LDB3: variants seen among roughly 807,000 people sequenced by gnomAD.
LDB3 encodes the protein LIM domain binding 3, also known as LIM domain-binding protein 3.
LDB3 carries 49 observed loss-of-function variants against 69.0 expected under a neutral mutation model. The ratio of observed to expected loss-of-function variants is 0.71; its 90% CI spans 0.56 to 0.90. The LOEUF (loss-of-function observed/expected upper bound fraction) is 0.90, where lower values mean the gene tolerates loss of function less well. Among genes scored for constraint, LDB3 ranks in the 40% least tolerant of loss-of-function variants. The pLI is 0.00. For synonymous variants in LDB3, 387 were observed against 396.2 expected (o/e 0.98, Z 0.28); for missense variants, 928 against 974.1 (o/e 0.95, Z 0.63).
At chr10:86,682,226 G>T (rs767760819) in intron 5 of LDB3, among the ~76,000 whole-genome samples, 1 of 152,188 alleles carries the variant, frequency 6.6e-6, no homozygotes, top group Non-Finnish European at 1.5e-5. Flanking sequence ...GGCAGGAGCA[G>T]GGGAGCGTTC....
chr10:86,727,956 T>C (rs1016664890), intron 13 of LDB3, among the ~76,000 whole-genome samples: 4 of 151,950 alleles, frequency 2.6e-5, no homozygotes, highest in Non-Finnish European at 2.9e-5. Flanking sequence ...TGGAATACAA[T>C]TCAACCCCTT....
At chr10:86,723,501 C>G (rs1010844501) in intron 12 of LDB3, among the ~76,000 whole-genome samples, 3 of 152,032 alleles carry the variant, frequency 2.0e-5, no homozygotes, top group Admixed American at 2.0e-4. Flanking sequence ...GCCTGGTTTG[C>G]ACAGAGGCAT....
intron 8 of LDB3, among the ~76,000 whole-genome samples, chr10:86,709,031 T>C (rs185577095): frequency 1.2e-4 from 18 of 152,338 alleles, no homozygotes; most frequent in African/African-American, 4.3e-4. Flanking sequence ...GGTGTGGGCA[T>C]GTGGTCCCCT....
chr10:86,668,782 C>G lies in LDB3; in HGVS notation c.91C>G (p.Arg31Gly), dbSNP rs367792378. 4.3e-6 allele frequency: 7 copies of G among 1,611,726 alleles called. No homozygotes were observed. The highest frequency in any genetic ancestry group is 5.9e-6 in the Non-Finnish European group (7 of 1,178,716). Residue 31 changes from arginine to glycine, a missense_variant and splice_region_variant, in exon 2 of 14, where the codon CGG (arginine) becomes GGG (glycine). Physicochemically the swap from Arg to Gly is moderately radical, Grantham distance 125 (BLOSUM62 -2). Coordinates refer to ENST00000361373, the MANE Select transcript of LDB3 (RefSeq NM_007078.3). ...CTTCAACATGCCCCTCACTATCTCCCGGGTGAGTGCACCCTGCCACAGCCT... is the reference window on the plus strand; with the variant it reads ...CTTCAACATGCCCCTCACTATCTCCGGGGTGAGTGCACCCTGCCACAGCCT... ...KDFNMPLTIS[R>G]ITPGSKAAQS...
chr10:86,679,101 T>C (rs1358972356), intron 2 of LDB3, among the ~76,000 whole-genome samples: 1 of 152,168 alleles, frequency 6.6e-6, no homozygotes, highest in Non-Finnish European at 1.5e-5. Flanking sequence ...GAGGCAGACC[T>C]GGAAGGAGCA....
intron 5 of LDB3, among the ~76,000 whole-genome samples, 182 bp from the exon 6 acceptor site, chr10:86,691,714 C>T (rs1321446928): frequency 1.3e-5 from 2 of 152,060 alleles, no homozygotes; most frequent in Non-Finnish European, 2.9e-5. Flanking sequence ...TGCTTCACTG[C>T]GACCAATCTG....
At chr10:86,692,817 C>A (rs977034463) in intron 7 of LDB3, among the ~76,000 whole-genome samples, 2 of 152,218 alleles carry the variant, frequency 1.3e-5, no homozygotes, top group Non-Finnish European at 2.9e-5. Context: ...GCTCTCCCAG[C>A]TTCATCCCTG....
intron 5 of LDB3, among the ~76,000 whole-genome samples, chr10:86,686,718 G>A (rs1002738580): frequency 1.3e-5 from 2 of 150,730 alleles, no homozygotes; most frequent in East Asian, 2.0e-4. Context: ...GAGGTGAGAG[G>A]ATCACTTGAG....
At chr10:86,666,958 C>A, upstream of LDB3, 4 of 430,740 alleles carry the variant, frequency 9.3e-6, no homozygotes, top group South Asian at 6.6e-5. Context: ...GACAAACACC[C>A]CTAGGAAAGG....
rs752050928 is a variant in LDB3 at position 86,699,395 on chromosome 10, C to A, written c.896+6824C>A. On this transcript the variant is annotated intron_variant, in intron 7 of 13. Coordinates refer to ENST00000361373, the MANE Select transcript of LDB3 (RefSeq NM_007078.3). This position sits in a 1 kb window ranked among gnomAD's most constrained non-coding sequence, Gnocchi z 4.9. The stretch of plus-strand genomic sequence containing the variant: ...GCTAAAAGGCTGCCTGGAATCCCCC[C>A]ACCCCAACAGGCTGGACTCCCTCCA... 3.1e-6 allele frequency: 5 copies of A among 1,613,314 alleles called. No homozygotes were observed. The highest frequency in any genetic ancestry group is 1.1e-5 in the South Asian group (1 of 91,076).
At chr10:86,711,184 G>C (rs1846641589) in intron 9 of LDB3, among the ~76,000 whole-genome samples, 1 of 152,202 alleles carries the variant, frequency 6.6e-6, no homozygotes, top group African/African-American at 2.4e-5. Flanking sequence ...GGGGCACAAG[G>C]AGGACATTTC....
Position 86,681,432 on chromosome 10 carries a change from C to A in LDB3, c.322-4C>A. 2 of 1,601,090 alleles carry A rather than the reference C, an allele frequency of 1.2e-6. No individual in the cohort carries two copies. The highest frequency in any genetic ancestry group is 1.7e-6 in the Non-Finnish European group (2 of 1,179,800). On this transcript the variant is annotated splice_polypyrimidine_tract_variant and splice_region_variant and intron_variant, in intron 4 of 13. Transcript: ENST00000361373. The stretch of plus-strand genomic sequence containing the variant: ...TCTCCCCTGCATGGCCTGCCCTGTG[C>A]CAGGACCCCGCTCTGGACACGAACG...
intron 7 of LDB3, among the ~76,000 whole-genome samples, chr10:86,692,990 T>G (rs948178516): frequency 2.6e-5 from 4 of 152,192 alleles, no homozygotes; most frequent in Non-Finnish European, 5.9e-5. Context: ...CACAGGGGGC[T>G]GTGCTGGACG....
At chr10:86,670,555 A>T (rs911892580) in intron 2 of LDB3, among the ~76,000 whole-genome samples, 13 of 152,166 alleles carry the variant, frequency 8.5e-5, no homozygotes, top group African/African-American at 1.2e-4. Flanking sequence ...AGGATAGCCA[A>T]TGACCTCACC....
At chr10:86,685,755 T>C in intron 5 of LDB3, 1 of 1,595,536 alleles carries the variant, frequency 6.3e-7, no homozygotes, top group East Asian at 2.2e-5. Context: ...CCAGCATGTG[T>C]CTGCGTGTGT....
At chr10:86,732,800 G>A in intron 13 of LDB3, 87 bp from the exon 14 acceptor site, 1 of 1,059,554 alleles carries the variant, frequency 9.4e-7, no homozygotes, top group Non-Finnish European at 1.4e-6. Flanking sequence ...CACCACGCCT[G>A]GCCAGGGCGT....
At chr10:86,708,166 G>A (rs527750405) in intron 8 of LDB3, among the ~76,000 whole-genome samples, 16 of 152,372 alleles carry the variant, frequency 1.1e-4, no homozygotes, top group Admixed American at 9.8e-4. Context: ...CCCCCCACAG[G>A]GGGAGTCCTC....
rs552352956 is a variant in LDB3 at position 86,681,225 on chromosome 10, G to A, written c.322-211G>A. Among the ~76,000 whole-genome samples the A allele has an allele frequency of 3.9e-5, 6 of 152,400 alleles. No homozygotes were observed. In the South Asian group the frequency reaches 1.2e-3, roughly 32 times the overall value. On this transcript the variant is annotated intron_variant, in intron 4 of 13. Coordinates refer to ENST00000361373, the MANE Select transcript of LDB3 (RefSeq NM_007078.3). ...GCAGGGCTTGGCACTCTGCCCAGCT[G>A]GATGCCAGCCTCACGCCAGGCCAGG... is the stretch of plus-strand genomic sequence containing the variant.
At chr10:86,718,235 G>T in intron 11 of LDB3, 91 bp downstream of exon 11, 2 of 1,254,142 alleles carry the variant, frequency 1.6e-6, no homozygotes, top group Non-Finnish European at 2.3e-6. Context: ...CCAAGAAGTT[G>T]CTGGTAACAG....
Sources: allele counts gnomAD v4.1 joint callset (sites outside exome capture counted in the v4.1 genomes callset), GRCh38; gene constraint gnomAD v4.1.1; non-coding constraint Gnocchi (gnomAD v3.1); transcripts MANE v1.5; gene names NCBI Gene and HGNC (gene_info 2026-07-23, HGNC 2026-07-21).